Variants in ALDH4A1 observed in about 807,000 individuals in gnomAD.
ALDH4A1 encodes aldehyde dehydrogenase 4 family member A1.
A neutral mutation model predicts 70.5 loss-of-function variants in ALDH4A1; 46 were observed. The ratio of observed to expected loss-of-function variants is 0.65; its 90% CI spans 0.51 to 0.83. The LOEUF is 0.83. ALDH4A1 is among the 40% of genes least tolerant of loss of function. The pLI is 0.00. For synonymous variants in ALDH4A1, 323 were observed against 324.3 expected (o/e 1.00, Z 0.04); for missense variants, 749 against 766.5 (o/e 0.98, Z 0.27).
chr1:18,883,498 G>T, intron 5 of ALDH4A1, 70 bp from the exon 6 acceptor site: 5 of 1,601,568 alleles, frequency 3.1e-6, no homozygotes, highest in Non-Finnish European at 4.3e-6. Flanking sequence ...CACATCTGAC[G>T]CTGTGCCCAA....
rs1481287863 is a variant in ALDH4A1, at chr1:18,885,350, C to T, written c.453+123G>A. On this transcript the variant is annotated intron_variant, in intron 5 of 14. Coordinates refer to ENST00000375341, the MANE Select transcript of ALDH4A1 (RefSeq NM_003748.4). ...CCTAGGCCTTGTCCCTTGAGGACAT[C>T]TCTGGGTCCCCAAAAGGGCTTAGGA... The T allele has an allele frequency of 4.7e-5, 46 of 975,964 alleles. No homozygotes were observed. In the South Asian group the frequency reaches 5.5e-4, roughly 12 times the overall value. 60.5% of individuals were successfully genotyped at this position (975,964 alleles called of 1,614,324 possible). A position where few individuals can be genotyped will look rare whatever the true frequency, so the allele number is the denominator to read the frequency against.
In ALDH4A1 at chr1:18,874,591, A is replaced by C. The variant is rs760150335; in HGVS notation, c.1461-10T>G. The C allele has an allele frequency of 1.2e-6, 2 of 1,614,032 alleles. No homozygotes were observed. Among genetic ancestry groups the C allele is most frequent in the Admixed American group, 1.7e-5 (1 of 60,036 alleles). On this transcript the variant is annotated splice_polypyrimidine_tract_variant and intron_variant, in intron 13 of 14. Transcript: ENST00000375341. ...CTCCTGCACGACGTCCCTACAAAGCAGAGCAGTGGTGACAGAGCAACCAGC... is the reference window on the plus strand; with the variant it reads ...CTCCTGCACGACGTCCCTACAAAGCCGAGCAGTGGTGACAGAGCAACCAGC...
At chr1:18,893,710 G>A (rs1184187954) in intron 1 of ALDH4A1, among the ~76,000 whole-genome samples, 3 of 152,140 alleles carry the variant, frequency 2.0e-5, no homozygotes, top group Non-Finnish European at 2.9e-5. Context: ...CACCATGTTG[G>A]CCAGGCTGGT....
chr1:18,877,567 A>C lies in ALDH4A1; in HGVS notation c.986T>G (p.Val329Gly). The change falls in exon 10 of 15, where the codon GTG becomes GGG. Residue 329 changes from valine (V) to glycine (G), a missense_variant. Transcript: ENST00000375341. Reference protein sequence around the residue: ...NFHFVHRSADVESVVSGTLRS... With the variant: ...NFHFVHRSADGESVVSGTLRS... ...GAGGGTCCCGCTCACCACGCTCTCC[A>C]CGTCGGCCGAGCGGTGCACGAAGTG... The C allele has an allele frequency of 2.7e-6, 4 of 1,474,550 alleles. No homozygotes were observed. The highest frequency in any genetic ancestry group is 3.7e-6 in the Non-Finnish European group (4 of 1,092,906). 91.3% of individuals were successfully genotyped at this position (1,474,550 alleles called of 1,614,324 possible).
chr1:18,877,944 G>A (rs1352388523), intron 9 of ALDH4A1, among the ~76,000 whole-genome samples: 1 of 152,178 alleles, frequency 6.6e-6, no homozygotes, highest in South Asian at 2.1e-4. Flanking sequence ...AGGCCCCCGA[G>A]AGCCAGCCAT....
chr1:18,891,337 A>C (rs1935424368), intron 1 of ALDH4A1, among the ~76,000 whole-genome samples: 1 of 152,224 alleles, frequency 6.6e-6, no homozygotes, highest in African/African-American at 2.4e-5. Flanking sequence ...AAATAAGGTC[A>C]TTTTGGTCCT....
chr1:18,872,853 T>C lies in ALDH4A1; in HGVS notation c.1684A>G (p.Met562Val). The change falls in exon 15 of 15, where the codon ATG (methionine) becomes GTG (valine). Residue 562 changes from methionine to valine, a missense_variant. Met to Val is a conservative substitution (Grantham distance 21). Transcript: ENST00000375341. ...TGGAGCCCGAGAGGGGCTCACTGCATGTACGCGTAGCTCCAGTCCCCCAGG... is the reference window on the plus strand; with the variant it reads ...TGGAGCCCGAGAGGGGCTCACTGCACGTACGCGTAGCTCCAGTCCCCCAGG... Reference protein sequence around the residue: ...KPLGDWSYAYMQ With the variant: ...KPLGDWSYAYVQ The C allele has an allele frequency of 1.9e-6, 3 of 1,613,648 alleles. No individual in the cohort carries two copies. The highest frequency in any genetic ancestry group is 2.5e-6 in the Non-Finnish European group (3 of 1,179,836).
intron 9 of ALDH4A1, 132 bp downstream of exon 9, chr1:18,879,168 G>T (rs569935963): frequency 1.2e-5 from 10 of 843,808 alleles, no homozygotes; most frequent in Non-Finnish European, 1.9e-5. Context: ...GTTCTACTGG[G>T]CAGTGCTGGT....
intron 1 of ALDH4A1, 125 bp downstream of exon 1, chr1:18,902,337 G>T: frequency 1.3e-6 from 1 of 765,044 alleles, no homozygotes; most frequent in Non-Finnish European, 1.8e-6. Flanking sequence ...GAGGAACCCG[G>T]CGTTGACCGA....
chr1:18,875,170 C>T (rs1934619864), intron 13 of ALDH4A1, among the ~76,000 whole-genome samples: 1 of 152,196 alleles, frequency 6.6e-6, no homozygotes, highest in East Asian at 1.9e-4. Context: ...TCCCCAGTGG[C>T]ACCCTGGCAC....
chr1:18,899,511 A>C (rs1411022954), intron 1 of ALDH4A1, among the ~76,000 whole-genome samples: 1 of 152,258 alleles, frequency 6.6e-6, no homozygotes, highest in Admixed American at 6.5e-5. Context: ...AAGAGAACTG[A>C]GGATACTGAT....
intron 5 of ALDH4A1, among the ~76,000 whole-genome samples, chr1:18,884,712 G>C (rs1935122519): frequency 6.6e-6 from 1 of 152,224 alleles, no homozygotes; most frequent in Admixed American, 6.5e-5. Flanking sequence ...ATACACTCCA[G>C]TGCAATCTGA....
Position 18,877,267 on chromosome 1 carries a change from G to C in ALDH4A1, c.1138-12C>G, listed in dbSNP as rs1187087517. 6.2e-7 allele frequency: 1 copy of C among 1,601,858 alleles called. No homozygotes were observed. Among genetic ancestry groups the C allele is most frequent in the Non-Finnish European group, 8.5e-7 (1 of 1,173,730 alleles). On this transcript the variant is annotated splice_polypyrimidine_tract_variant and intron_variant, in intron 10 of 14. Transcript: ENST00000375341. ...AAATCCTCTGCAGGCTGGAGGCAAG[G>C]GAGGCGCCAGAAGAGACGAGTCACT...
chr1:18,901,766 G>C (rs1423001329), intron 1 of ALDH4A1, among the ~76,000 whole-genome samples: 1 of 152,130 alleles, frequency 6.6e-6, no homozygotes, highest in African/African-American at 2.4e-5. Context: ...CTGCCTTTGT[G>C]CTGGGCACTG....
At chr1:18,881,376 G>A (rs1934958521) in intron 8 of ALDH4A1, among the ~76,000 whole-genome samples, 1 of 152,246 alleles carries the variant, frequency 6.6e-6, no homozygotes, top group South Asian at 2.1e-4. Flanking sequence ...GTGCTCCCCT[G>A]TGCCCTTTCC....
chr1:18,874,637 G>T, intron 13 of ALDH4A1, 56 bp from the exon 14 acceptor site: 2 of 1,562,438 alleles, frequency 1.3e-6, no homozygotes, highest in Non-Finnish European at 8.8e-7. Context: ...TCCAGCCCCA[G>T]CTCCAGCCTC....
At chr1:18,884,714 G>A (rs1358409439) in intron 5 of ALDH4A1, among the ~76,000 whole-genome samples, 1 of 152,216 alleles carries the variant, frequency 6.6e-6, no homozygotes, top group Non-Finnish European at 1.5e-5. Context: ...ACACTCCAGT[G>A]CAATCTGAGC....
In ALDH4A1 at chr1:18,885,453, C is replaced by CCG; in HGVS notation, c.453+19_453+20insCG. On this transcript the variant is annotated intron_variant, in intron 5 of 14. Transcript: ENST00000375341. The stretch of plus-strand genomic sequence containing the variant: ...CCCACCCCACCCCGCCCCACCCACC[C>CCG]GGGCCCACCAGCACCTCACCTGTCC... The CCG allele has an allele frequency of 2.8e-6, 4 of 1,451,146 alleles. No homozygotes were observed. Among genetic ancestry groups the CCG allele is most frequent in the South Asian group, 1.2e-5 (1 of 81,964 alleles). 89.9% of individuals were successfully genotyped at this position (1,451,146 alleles called of 1,614,324 possible).
At chr1:18,890,631 T>G in intron 1 of ALDH4A1, 10 of 951,578 alleles carry the variant, frequency 1.1e-5, no homozygotes, top group Non-Finnish European at 1.3e-5. Context: ...CTTGAGCCTG[T>G]GAGTTGCCTC....
Sources: gnomAD v4.1 joint callset for allele counts (sites outside exome capture counted in the v4.1 genomes callset) on GRCh38, gnomAD v4.1.1 for gene constraint, MANE v1.5 for transcripts, NCBI Gene and HGNC (gene_info 2026-07-23, HGNC 2026-07-21) for gene names.